Variants in PTPRG observed in about 807,000 individuals in gnomAD.
PTPRG encodes the protein receptor-type tyrosine-protein phosphatase gamma.
Under a neutral mutation model 165.3 loss-of-function variants are expected in PTPRG, and 102 were observed. The ratio of observed to expected loss-of-function variants is 0.62; its 90% CI spans 0.53 to 0.73. The LOEUF is 0.73. Ranked by LOEUF, PTPRG falls within the 30% of genes least tolerant of loss-of-function variation. PTPRG has a pLI of 0.00. For synonymous variants in PTPRG, 675 were observed against 669.5 expected, an observed-to-expected ratio of 1.01 and a Z score of -0.13; for missense variants, 1,866 against 1,861.4, an observed-to-expected ratio of 1.00 and a Z score of -0.05.
At chr3:61,826,890 T>C (rs1035126096) in intron 2 of PTPRG, among the ~76,000 whole-genome samples, 1 of 151,904 alleles carries the variant, frequency 6.6e-6, no homozygotes, top group East Asian at 1.9e-4. Flanking sequence ...CTGAAATCAT[T>C]TGGTGATTGA....
At chr3:62,085,014 T>G (rs949261542) in intron 5 of PTPRG, among the ~76,000 whole-genome samples, 10 of 152,158 alleles carry the variant, frequency 6.6e-5, no homozygotes, top group African/African-American at 2.4e-4. Context: ...AAATAGGCAT[T>G]AGGGGGTAGA....
rs1277257567 is a variant in PTPRG at position 62,228,513 on chromosome 3, C to CA, written c.2289-2700dup. Among the ~76,000 whole-genome samples the CA allele has an allele frequency of 0.011, 1,269 of 111,568 alleles. 15 individuals carry two copies. Among genetic ancestry groups the CA allele is most frequent in the African/African-American group, 0.028 (828 of 29,646 alleles). 73.2% of individuals were successfully genotyped at this position (111,568 alleles called of 152,430 possible). On this transcript the variant is annotated intron_variant, in intron 13 of 29. Coordinates refer to ENST00000474889, the MANE Select transcript of PTPRG (RefSeq NM_002841.4). The surrounding 1 kb of genome is among the most constrained non-coding windows in gnomAD (Gnocchi z 4.1). ...TGGGCAACAGAGCAAAACTCCATCT[C>CA]AAAAAAAAAAAAGAAAGAAAGAAAA... is the stretch of plus-strand genomic sequence containing the variant.
At chr3:61,735,354 T>C (rs547022336) in intron 1 of PTPRG, among the ~76,000 whole-genome samples, 1 of 152,212 alleles carries the variant, frequency 6.6e-6, no homozygotes, top group Admixed American at 6.5e-5. Flanking sequence ...ATATTTCTTC[T>C]GATGATTTCT....
At chr3:62,147,336 G>A (rs1361006690) in intron 6 of PTPRG, among the ~76,000 whole-genome samples, 1 of 152,170 alleles carries the variant, frequency 6.6e-6, no homozygotes, top group African/African-American at 2.4e-5. Flanking sequence ...TGCTGCTGCT[G>A]CCTGGCCCTA....
chr3:61,573,097 G>T (rs923663855), intron 1 of PTPRG, among the ~76,000 whole-genome samples: 1 of 152,148 alleles, frequency 6.6e-6, no homozygotes, highest in Non-Finnish European at 1.5e-5. Context: ...CTGCTCCTTG[G>T]ATATTTCACA....
intron 6 of PTPRG, among the ~76,000 whole-genome samples, chr3:62,134,208 C>T (rs576201889): frequency 1.3e-5 from 2 of 152,254 alleles, no homozygotes; most frequent in South Asian, 4.1e-4. Flanking sequence ...GGAGGGTTGC[C>T]AAGATGCCCG....
chr3:62,230,975 A>G (rs1700889271), intron 13 of PTPRG, among the ~76,000 whole-genome samples: 1 of 152,222 alleles, frequency 6.6e-6, no homozygotes, highest in African/African-American at 2.4e-5. Flanking sequence ...CCGGGGTAAT[A>G]GAGGCTGCGA....
At chr3:61,622,905 A>G (rs1701503815) in intron 1 of PTPRG, among the ~76,000 whole-genome samples, 1 of 152,208 alleles carries the variant, frequency 6.6e-6, no homozygotes, top group East Asian at 1.9e-4. Context: ...CCTAAGTACA[A>G]AAAAGGGACA....
chr3:61,777,031 G>C (rs903831526), intron 2 of PTPRG, among the ~76,000 whole-genome samples: 1 of 152,066 alleles, frequency 6.6e-6, no homozygotes, highest in Admixed American at 6.6e-5. Context: ...AATCTTTCCT[G>C]GGCCTAGATC....
chr3:61,671,308 C>G (rs1255924119), intron 1 of PTPRG, among the ~76,000 whole-genome samples: 8 of 151,774 alleles, frequency 5.3e-5, no homozygotes, highest in Non-Finnish European at 1.5e-5. Flanking sequence ...GTTTGTGTCC[C>G]TGGGTACTTG....
intron 12 of PTPRG, among the ~76,000 whole-genome samples, chr3:62,211,981 A>T (rs1463112971): frequency 2.0e-5 from 3 of 150,852 alleles, no homozygotes; most frequent in Non-Finnish European, 4.4e-5. Context: ...ATTTTTTTTT[A>T]AAAAGCAGAA....
chr3:61,881,637 C>A (rs547773495), intron 2 of PTPRG, among the ~76,000 whole-genome samples: 3 of 152,176 alleles, frequency 2.0e-5, no homozygotes, highest in Non-Finnish European at 2.9e-5. Context: ...ATGAAGTTGA[C>A]TAGATTTATT....
chr3:62,191,645 A>C lies in PTPRG; in HGVS notation c.1210A>C (p.Lys404Gln), dbSNP rs1204870252. The change falls in exon 9 of 30, where the codon AAA (lysine) becomes CAA (glutamine). Residue 404 changes from lysine to glutamine, a missense_variant. By Grantham distance (53) the Lys-to-Gln change is moderately conservative. Around this residue, in one of 3 missense-constraint regions of PTPRG, gnomAD observed 1,452 missense variants for 1,463.0 expected, o/e 0.99. Coordinates refer to ENST00000474889, the MANE Select transcript of PTPRG (RefSeq NM_002841.4). ...GAAGACGTTTACAAAGGACAGCGAC[A>C]AAGACTTGGTATGAAGCCCCTCCTC... ...KEKTFTKDSD[K>Q]DLKATISHVS... The C allele has an allele frequency of 1.2e-6, 2 of 1,613,998 alleles. No homozygotes were observed. Among genetic ancestry groups the C allele is most frequent in the East Asian group, 4.5e-5 (2 of 44,864 alleles).
At chr3:61,672,089 A>G (rs1331804728) in intron 1 of PTPRG, among the ~76,000 whole-genome samples, 20 of 144,582 alleles carry the variant, frequency 1.4e-4, no homozygotes, top group African/African-American at 5.3e-4. Flanking sequence ...ACGGGGCAGC[A>G]GGGCAGAGGT....
intron 1 of PTPRG, among the ~76,000 whole-genome samples, chr3:61,696,224 G>A (rs911663852): frequency 5.9e-5 from 9 of 152,070 alleles, no homozygotes; most frequent in Non-Finnish European, 1.2e-4. Flanking sequence ...TAGCCAGGCC[G>A]GGCGCGGTGA....
At chr3:62,108,575 G>A (rs1472056689) in intron 5 of PTPRG, among the ~76,000 whole-genome samples, 1 of 152,156 alleles carries the variant, frequency 6.6e-6, no homozygotes, top group Non-Finnish European at 1.5e-5. Context: ...TGGGATTGCT[G>A]GGTTAAATGG....
Position 62,139,893 on chromosome 3 carries a change from A to T in PTPRG, c.682+7225A>T, listed in dbSNP as rs780528579. ...AGCAAAAAAGGAAGAAATAACAGTG[A>T]ATTTGCAAATATGCATTGACTGCCC... On this transcript the variant is annotated intron_variant, in intron 6 of 29. Coordinates refer to ENST00000474889, the MANE Select transcript of PTPRG (RefSeq NM_002841.4). 2.6e-5 allele frequency among the ~76,000 whole-genome samples: 4 copies of T among 152,214 alleles called. No homozygotes were observed. The East Asian group carries it at 7.7e-4, about 29-fold the overall frequency.
At chr3:61,695,247 G>A (rs1183023828) in intron 1 of PTPRG, among the ~76,000 whole-genome samples, 1 of 152,190 alleles carries the variant, frequency 6.6e-6, no homozygotes, top group Non-Finnish European at 1.5e-5. Flanking sequence ...CCGACCTCGG[G>A]TGATCCACCC....
At chr3:61,952,493 A>G (rs2039923850) in intron 2 of PTPRG, among the ~76,000 whole-genome samples, 1 of 152,172 alleles carries the variant, frequency 6.6e-6, no homozygotes, top group African/African-American at 2.4e-5. Context: ...TCCCCAGGCA[A>G]CTTCATAATG....
Sources: allele counts gnomAD v4.1 joint callset (sites outside exome capture counted in the v4.1 genomes callset), GRCh38; gene constraint gnomAD v4.1.1; regional missense constraint gnomAD v4.1.1; non-coding constraint Gnocchi (gnomAD v3.1); transcripts MANE v1.5; gene names NCBI Gene and HGNC (gene_info 2026-07-23, HGNC 2026-07-21).